The following DLG2 variants were observed in gnomAD, a reference collection of about 807,000 sequenced individuals.
DLG2 encodes the protein discs large MAGUK scaffold protein 2.
A neutral mutation model predicts 132.5 loss-of-function variants in DLG2; 45 were observed. That is an observed-to-expected ratio of 0.34 (90% CI 0.27 to 0.44). The LOEUF is 0.44. Ranked by LOEUF, DLG2 falls within the 20% of genes least tolerant of loss-of-function variation. The pLI is 1.00. For synonymous variants in DLG2, 424 were observed against 419.6 expected, an observed-to-expected ratio of 1.01 and a Z score of -0.13; for missense variants, 1,045 against 1,196.9, an observed-to-expected ratio of 0.87 and a Z score of 1.87.
rs547235876 is a variant in DLG2, at chr11:85,233,696, A to ATT, written c.186+51522_186+51523dup. ...CTCTCTATTCTACTCTGGATCCTTA[A>ATT]TTTTTTTTTTTTTTTTTTTTACCTT... On this transcript the variant is annotated intron_variant, in intron 4 of 27. Coordinates refer to ENST00000376104, the MANE Select transcript of DLG2 (RefSeq NM_001142699.3). Among the ~76,000 whole-genome samples, 303 of 131,356 alleles carry ATT rather than the reference A, an allele frequency of 2.3e-3. 1 individual carries two copies. Among genetic ancestry groups the ATT allele is most frequent in the African/African-American group, 6.5e-3 (233 of 35,892 alleles). The allele number at this position is 131,356 out of a possible 152,430, so 86.2% of individuals were successfully genotyped here.
chr11:84,741,076 T>TTC (rs1256704136), intron 6 of DLG2, among the ~76,000 whole-genome samples: 2 of 142,378 alleles, frequency 1.4e-5, no homozygotes, highest in Non-Finnish European at 3.1e-5. Flanking sequence ...TTTTTTTTTT[T>TTC]TTTTTTTTGA....
At chr11:85,339,398 AG>A in intron 3 of DLG2, among the ~76,000 whole-genome samples, 1 of 152,332 alleles carries the variant, frequency 6.6e-6, no homozygotes, top group East Asian at 1.9e-4. Context: ...CTGGGCTGAA[AG>A]GTAAATGCAC....
intron 11 of DLG2, among the ~76,000 whole-genome samples, chr11:84,048,343 C>A (rs1414839821): frequency 2.0e-5 from 3 of 151,544 alleles, no homozygotes; most frequent in African/African-American, 7.2e-5. Flanking sequence ...TCCTTGTGTA[C>A]CCCAGGGAAC....
intron 6 of DLG2, among the ~76,000 whole-genome samples, chr11:85,100,072 A>G (rs1404360113): frequency 6.6e-6 from 1 of 152,216 alleles, no homozygotes; most frequent in East Asian, 1.9e-4. Flanking sequence ...AATCACCATC[A>G]GAAAAAAATT....
chr11:83,467,755 A>C (rs1352817414), intron 25 of DLG2, among the ~76,000 whole-genome samples: 2 of 128,466 alleles, frequency 1.6e-5, no homozygotes, highest in South Asian at 5.0e-4. Context: ...CATCTCAAAA[A>C]AAATAAAAAC....
chr11:84,340,609 C>T (rs1006025995), intron 7 of DLG2, among the ~76,000 whole-genome samples: 4 of 152,086 alleles, frequency 2.6e-5, no homozygotes, highest in Non-Finnish European at 5.9e-5. Context: ...TCAAAGATCT[C>T]GAGTAATATC....
intron 14 of DLG2, among the ~76,000 whole-genome samples, chr11:83,932,938 G>C (rs988876969): frequency 2.0e-5 from 3 of 152,128 alleles, no homozygotes; most frequent in Non-Finnish European, 4.4e-5. Context: ...GTGCGTTTGA[G>C]TTTAGCCACT....
At chr11:83,935,545 A>G (rs2081258526) in intron 14 of DLG2, among the ~76,000 whole-genome samples, 1 of 152,188 alleles carries the variant, frequency 6.6e-6, no homozygotes, top group Admixed American at 6.5e-5. Flanking sequence ...AGTATGATAT[A>G]GAGACATCTA....
intron 6 of DLG2, among the ~76,000 whole-genome samples, chr11:84,822,470 T>C (rs888774348): frequency 6.6e-6 from 1 of 151,880 alleles, no homozygotes; most frequent in Non-Finnish European, 1.5e-5. Flanking sequence ...ATTATTAAAG[T>C]CCATTTAGTT....
chr11:83,726,748 AAAACAAACAAACAAAC>A lies in DLG2; in HGVS notation c.1825+59926_1825+59941del, dbSNP rs60924473. 1.5e-4 allele frequency among the ~76,000 whole-genome samples: 23 copies of A among 150,192 alleles called. No individual in the cohort carries two copies. In the East Asian group the frequency reaches 1.6e-3, roughly 10 times the overall value. ...CCCTGAGAGACATCAGATCTGCCTGAAAACAAACAAACAAACAAACAAACAAACAAACAAACAAACA... is the reference window on the plus strand; with the variant it reads ...CCCTGAGAGACATCAGATCTGCCTGAAAACAAACAAACAAACAAACAAACA... On this transcript the variant is annotated intron_variant, in intron 18 of 27. Transcript: ENST00000376104.
At position 84,825,579 on chromosome 11, in the gene DLG2, C is replaced by T. The variant is rs567196633; in HGVS notation, c.357+286082G>A. Among the ~76,000 whole-genome samples the T allele has an allele frequency of 1.8e-4, 28 of 151,988 alleles. No homozygotes were observed. The South Asian group carries it at 3.5e-3, about 19-fold the overall frequency. On this transcript the variant is annotated intron_variant, in intron 6 of 27. Coordinates refer to ENST00000376104, the MANE Select transcript of DLG2 (RefSeq NM_001142699.3). ...TGTTTATATTGCTATTTCTCTTCTG[C>T]CTGTCAGACACATTTCAGACTCCTA...
rs1222486667 is a variant in DLG2 at position 84,307,695 on chromosome 11, CAAAAAAA to C, written c.520-56411_520-56405del. On this transcript the variant is annotated intron_variant, in intron 7 of 27. Transcript: ENST00000376104. ...TGGGTGAAAGAGCGAGACGCAGTCT[CAAAAAAA>C]AAAAAAAAAAAAAAGAAGCCGCGGA... 5.6e-3 allele frequency among the ~76,000 whole-genome samples: 440 copies of C among 78,014 alleles called. 10 individuals are homozygous for C. Among genetic ancestry groups the C allele is most frequent in the African/African-American group, 0.021 (394 of 18,518 alleles). 51.2% of individuals were successfully genotyped at this position (78,014 alleles called of 152,430 possible). A position where few individuals can be genotyped will look rare whatever the true frequency, so the allele number is the denominator to read the frequency against.
In DLG2 at chr11:84,853,277, G is replaced by A. The variant is rs529453337; in HGVS notation, c.357+258384C>T. ...ACTATTGCCATTTTGAAAGGCAAAC[G>A]TGACCCAGTGAACATCAGGGTCTTT... is the stretch of plus-strand genomic sequence containing the variant. On this transcript the variant is annotated intron_variant, in intron 6 of 27. Transcript: ENST00000376104. Among the ~76,000 whole-genome samples the A allele has an allele frequency of 1.5e-4, 23 of 152,050 alleles. No homozygotes were observed. The South Asian group carries it at 2.5e-3, about 16-fold the overall frequency.
At chr11:85,466,348 C>T (rs1273803574) in intron 3 of DLG2, among the ~76,000 whole-genome samples, 7 of 152,102 alleles carry the variant, frequency 4.6e-5, no homozygotes, top group Non-Finnish European at 2.9e-5. Context: ...GCTTTTGTTG[C>T]CATTGCTTTT....
At chr11:83,987,371 A>C (rs982536556) in intron 11 of DLG2, among the ~76,000 whole-genome samples, 2 of 152,196 alleles carry the variant, frequency 1.3e-5, no homozygotes, top group Non-Finnish European at 2.9e-5. Context: ...GGGACCAAAA[A>C]AGAGCCCGCA....
At chr11:84,768,888 C>A (rs1354817002) in intron 6 of DLG2, among the ~76,000 whole-genome samples, 1 of 152,012 alleles carries the variant, frequency 6.6e-6, no homozygotes, top group African/African-American at 2.4e-5. Context: ...TCCAAGATTT[C>A]TCTCTAAAGC....
intron 20 of DLG2, among the ~76,000 whole-genome samples, chr11:83,538,544 G>T (rs546101866): frequency 6.6e-6 from 1 of 152,286 alleles, no homozygotes; most frequent in East Asian, 1.9e-4. Context: ...AAGCCACCTG[G>T]CTTTGCTATC....
chr11:85,202,319 A>T (rs767054512), intron 4 of DLG2, among the ~76,000 whole-genome samples: 4 of 152,186 alleles, frequency 2.6e-5, no homozygotes, highest in Admixed American at 6.5e-5. Flanking sequence ...AGACAATAAA[A>T]TCAAATAACA....
Position 83,821,378 on chromosome 11 carries a change from G to A in DLG2, c.1722+12236C>T, listed in dbSNP as rs58879840. 8.5e-3 allele frequency among the ~76,000 whole-genome samples: 1,289 copies of A among 152,290 alleles called. 24 individuals carry two copies. Among genetic ancestry groups the A allele is most frequent in the African/African-American group, 0.029 (1,223 of 41,570 alleles). ...CAGAAGTGGTGATGGTGATGATGAA[G>A]AAGATAAGATGATACTTGGAATTAA... On this transcript the variant is annotated intron_variant, in intron 17 of 27. Coordinates refer to ENST00000376104, the MANE Select transcript of DLG2 (RefSeq NM_001142699.3).
Sources: gnomAD v4.1 joint callset for allele counts (sites outside exome capture counted in the v4.1 genomes callset) on GRCh38, gnomAD v4.1.1 for gene constraint, MANE v1.5 for transcripts, NCBI Gene and HGNC (gene_info 2026-07-23, HGNC 2026-07-21) for gene names.